Variants in VPS41 observed in about 807,000 individuals in gnomAD.
The protein encoded by VPS41 is VPS41 subunit of HOPS complex, also known as vacuolar protein sorting-associated protein 41 homolog.
In VPS41, 85 loss-of-function variants were observed where a neutral mutation model predicts 130.9. That is an observed-to-expected ratio of 0.65 (90% CI 0.55 to 0.78). The LOEUF is 0.78. Among genes scored for constraint, VPS41 ranks in the 30% least tolerant of loss-of-function variants. VPS41 has a pLI of 0.00. For synonymous variants in VPS41, 335 were observed against 332.9 expected (o/e 1.01, Z -0.07); for missense variants, 874 against 1,018.7 (o/e 0.86, Z 1.93).
rs1196651829 is a variant in VPS41 at position 38,756,967 on chromosome 7, C to G, written c.1566G>C (p.Lys522Asn). The change falls in exon 19 of 29, where the codon AAG becomes AAC. Residue 522 changes from lysine (K) to asparagine (N), a missense_variant. Coordinates refer to ENST00000310301, the MANE Select transcript of VPS41 (RefSeq NM_014396.4). ...ATATTTCCAGAGCATTGCCATAGTT[C>G]TTGTCATAGGTGTACCTGGTAATAC... The part of the protein sequence containing the change: ...KTLAELYTYD[K>N]NYGNALEIYL... 1 of 1,595,736 alleles carries G rather than the reference C, an allele frequency of 6.3e-7. No homozygotes were observed. Among genetic ancestry groups the G allele is most frequent in the South Asian group, 1.1e-5 (1 of 90,052 alleles).
Position 38,772,594 on chromosome 7 carries a change from T to C in VPS41, c.1056A>G (p.Arg352=), listed in dbSNP as rs1562580900. 6.2e-7 allele frequency: 1 copy of C among 1,613,626 alleles called. No individual in the cohort carries two copies. Among genetic ancestry groups the C allele is most frequent in the Non-Finnish European group, 8.5e-7 (1 of 1,179,684 alleles). The part of the protein sequence containing the change: ...GESLFYIVSP[R]DVVVAKERDQ... ...CTCGTTCCTTGGCCACTACAACATC[T>C]CTCGGACTCACGATGTAAAAAAGTG... The change falls in exon 13 of 29, where the codon AGA becomes AGG. Residue 352 remains arginine, a synonymous_variant. Coordinates refer to ENST00000310301, the MANE Select transcript of VPS41 (RefSeq NM_014396.4).
chr7:38,765,585 G>A lies in VPS41; in HGVS notation c.1324C>T (p.Leu442Phe). 1 of 1,590,024 alleles carries A rather than the reference G, an allele frequency of 6.3e-7. No homozygotes were observed. The highest frequency in any genetic ancestry group is 8.6e-7 in the Non-Finnish European group (1 of 1,168,766). Residue 442 changes from leucine (L) to phenylalanine (F), a missense_variant, in exon 16 of 29, where the codon CTT becomes TTT. Physicochemically the swap from Leu to Phe is conservative, Grantham distance 22. Coordinates refer to ENST00000310301, the MANE Select transcript of VPS41 (RefSeq NM_014396.4). ...EVYKFKEIGQLKAISPYLPRG... is the reference protein window; with the variant it reads ...EVYKFKEIGQFKAISPYLPRG... Reference sequence around the variant, plus strand: ...AAAAATAAGGCTTTGCTTACCTTAAGCTGTCCAATTTCTTTAAATTTATAA... The same window carrying A: ...AAAAATAAGGCTTTGCTTACCTTAAACTGTCCAATTTCTTTAAATTTATAA...
At chr7:38,907,209 C>T (rs892587959) in intron 1 of VPS41, among the ~76,000 whole-genome samples, 18 of 151,968 alleles carry the variant, frequency 1.2e-4, no homozygotes, top group African/African-American at 4.4e-4. Flanking sequence ...TGGACAAAGA[C>T]ATGAAGGAAA....
At chr7:38,889,564 A>AC (rs1345922626) in intron 2 of VPS41, among the ~76,000 whole-genome samples, 3 of 149,230 alleles carry the variant, frequency 2.0e-5, no homozygotes, top group African/African-American at 7.5e-5. Context: ...CAAAACAAAA[A>AC]AAAAAAAAAA....
At chr7:38,789,943 T>A in intron 9 of VPS41, 76 bp from the exon 10 acceptor site, 1 of 1,497,176 alleles carries the variant, frequency 6.7e-7, no homozygotes, top group South Asian at 1.1e-5. Context: ...GTATATGGTA[T>A]CTTTGTTAAA....
At chr7:38,883,983 T>G (rs892032582) in intron 2 of VPS41, among the ~76,000 whole-genome samples, 2 of 152,256 alleles carry the variant, frequency 1.3e-5, no homozygotes, top group Non-Finnish European at 2.9e-5. Context: ...GGAAGCTATG[T>G]GGACACTATA....
intron 10 of VPS41, among the ~76,000 whole-genome samples, chr7:38,781,294 A>G (rs151037424): frequency 6.6e-6 from 1 of 152,222 alleles, no homozygotes; most frequent in Non-Finnish European, 1.5e-5. Context: ...AGCACAAATC[A>G]ATCCACACTA....
chr7:38,796,308 C>G (rs1045938129), intron 8 of VPS41: 1 of 334,886 alleles, frequency 3.0e-6, no homozygotes, highest in Non-Finnish European at 5.8e-6. Flanking sequence ...CTGAAAATTA[C>G]GATCCACTTT....
intron 4 of VPS41, among the ~76,000 whole-genome samples, chr7:38,852,166 G>T (rs1314288810): frequency 1.3e-5 from 2 of 152,126 alleles, no homozygotes; most frequent in African/African-American, 4.8e-5. Context: ...ACCACAGGGG[G>T]AATCTAAGAG....
chr7:38,904,642 C>CA (rs1787217333), intron 1 of VPS41, among the ~76,000 whole-genome samples: 1 of 152,178 alleles, frequency 6.6e-6, no homozygotes, highest in Admixed American at 6.5e-5. Flanking sequence ...ACTTCATACT[C>CA]ACAAAAGTTT....
At chr7:38,788,627 G>C (rs1443004589) in intron 10 of VPS41, among the ~76,000 whole-genome samples, 1 of 152,066 alleles carries the variant, frequency 6.6e-6, no homozygotes, top group South Asian at 2.1e-4. Context: ...AGTAGGCAAG[G>C]AAAGAAGAAA....
At chr7:38,818,820 A>T (rs558135604) in intron 6 of VPS41, among the ~76,000 whole-genome samples, 37 of 152,274 alleles carry the variant, frequency 2.4e-4, no homozygotes, top group African/African-American at 7.5e-4. Flanking sequence ...ACTTCTATAT[A>T]CCTTCAATTA....
At chr7:38,813,694 A>G (rs1784986919) in intron 7 of VPS41, among the ~76,000 whole-genome samples, 1 of 151,930 alleles carries the variant, frequency 6.6e-6, no homozygotes, top group Admixed American at 6.6e-5. Context: ...TAAGCTCTTC[A>G]GTGTATGTTT....
chr7:38,802,328 AC>A lies in VPS41; in HGVS notation c.451-5465del, dbSNP rs1181687254. On this transcript the variant is annotated intron_variant, in intron 7 of 28. Coordinates refer to ENST00000310301, the MANE Select transcript of VPS41 (RefSeq NM_014396.4). Reference sequence around the variant, plus strand: ...GTGGCCTGCTTCTCTCCTTGATGTTACCTGCCTGGCCCCGTCGAACATTTAT... The same window carrying A: ...GTGGCCTGCTTCTCTCCTTGATGTTACTGCCTGGCCCCGTCGAACATTTAT... Among the ~76,000 whole-genome samples, 10 of 152,148 alleles carry A rather than the reference AC, an allele frequency of 6.6e-5. No homozygotes were observed. The East Asian group carries it at 1.9e-3, about 29-fold the overall frequency.
intron 18 of VPS41, 43 bp from the exon 19 acceptor site, chr7:38,757,025 T>G (rs748067140): frequency 7.0e-7 from 1 of 1,427,172 alleles, no homozygotes; most frequent in South Asian, 1.2e-5. Flanking sequence ...TCAACAGTTC[T>G]AATTAAAACA....
chr7:38,795,434 A>C, intron 9 of VPS41, 31 bp downstream of exon 9: 1 of 1,598,718 alleles, frequency 6.3e-7, no homozygotes, highest in Non-Finnish European at 8.5e-7. Flanking sequence ...CTATAACAAC[A>C]CGGACTTATT....
At position 38,796,816 on chromosome 7, in the gene VPS41, G is replaced by T; in HGVS notation, c.499C>A (p.Leu167Met). ...SWMNRWKSAVLHEGEGNIRSV... is the reference protein window; with the variant it reads ...SWMNRWKSAVMHEGEGNIRSV... ...CTTATGTTCCCTTCCCCTTCATGCA[G>T]AACAGCAGACTTCCATCTGTTCATC... is the stretch of plus-strand genomic sequence containing the variant. The change falls in exon 8 of 29, where the codon CTG becomes ATG. Residue 167 changes from leucine (L) to methionine (M), a missense_variant. Coordinates refer to ENST00000310301, the MANE Select transcript of VPS41 (RefSeq NM_014396.4). The T allele has an allele frequency of 1.2e-6, 2 of 1,613,974 alleles. No homozygotes were observed. Among genetic ancestry groups the T allele is most frequent in the Non-Finnish European group, 1.7e-6 (2 of 1,179,898 alleles).
intron 5 of VPS41, among the ~76,000 whole-genome samples, chr7:38,823,832 T>C (rs1785220185): frequency 6.6e-6 from 1 of 151,966 alleles, no homozygotes; most frequent in South Asian, 2.1e-4. Flanking sequence ...TACACATATG[T>C]CCCCCCCATC....
chr7:38,791,227 TC>T (rs1315560166), intron 9 of VPS41, among the ~76,000 whole-genome samples: 1 of 152,228 alleles, frequency 6.6e-6, no homozygotes, highest in African/African-American at 2.4e-5. Flanking sequence ...TTATAAGTTA[TC>T]CACTCTTCTT....
Sources: gnomAD v4.1 joint callset for allele counts (sites outside exome capture counted in the v4.1 genomes callset) on GRCh38, gnomAD v4.1.1 for gene constraint, MANE v1.5 for transcripts, NCBI Gene and HGNC (gene_info 2026-07-23, HGNC 2026-07-21) for gene names.